Variants in ALPL observed in about 807,000 individuals in gnomAD.
The protein encoded by ALPL is alkaline phosphatase, biomineralization associated.
ALPL carries 42 observed loss-of-function variants against 51.3 expected under a neutral mutation model. The observed-to-expected ratio is 0.82, with a 90% CI of 0.64 to 1.06. The LOEUF (loss-of-function observed/expected upper bound fraction) is 1.06, where lower values mean the gene tolerates loss of function less well. Ranked by LOEUF, ALPL falls within the 50% of genes least tolerant of loss-of-function variation. The pLI is 0.00. For synonymous variants in ALPL, 279 were observed against 296.4 expected (o/e 0.94, Z 0.60); for missense variants, 589 against 709.4 (o/e 0.83, Z 1.93).
intron 1 of ALPL, among the ~76,000 whole-genome samples, chr1:21,551,718 G>GTTT (rs1558541700): frequency 3.3e-5 from 3 of 92,216 alleles, no homozygotes; most frequent in African/African-American, 1.2e-4. Context: ...CAGCTTGCGT[G>GTTT]GTTTTTTTTT....
intron 2 of ALPL, among the ~76,000 whole-genome samples, chr1:21,556,996 G>A (rs1011940700): frequency 3.3e-5 from 5 of 152,150 alleles, no homozygotes; most frequent in Non-Finnish European, 7.4e-5. Context: ...CGTCGCAGGC[G>A]TTCCTCTCTG....
At chr1:21,516,376 C>T (rs984593401) in intron 1 of ALPL, among the ~76,000 whole-genome samples, 8 of 152,152 alleles carry the variant, frequency 5.3e-5, no homozygotes, top group African/African-American at 1.9e-4. Flanking sequence ...TCTTTCTCTG[C>T]CTCATTCCGC....
intron 1 of ALPL, among the ~76,000 whole-genome samples, chr1:21,529,311 A>G (rs1017882810): frequency 6.6e-6 from 1 of 151,512 alleles, no homozygotes; most frequent in South Asian, 2.1e-4. Flanking sequence ...GCTGGAGTGC[A>G]GTGGCATGAA....
At position 21,564,188 on chromosome 1, in the gene ALPL, A is replaced by C. The variant is rs121918004; in HGVS notation, c.620A>C (p.Gln207Pro). ...CAGGGCTGTAAGGACATCGCCTACC[A>C]GCTCATGCATAACATCAGGGACATT... is the stretch of plus-strand genomic sequence containing the variant. ...LSQGCKDIAY[Q>P]LMHNIRDIDV... Residue 207 changes from glutamine to proline, a missense_variant, in exon 6 of 12, where the codon CAG (glutamine) becomes CCG (proline). Transcript: ENST00000374840. The surrounding 1 kb of genome is among the most constrained non-coding windows in gnomAD (Gnocchi z 5.8). 3.7e-6 allele frequency: 6 copies of C among 1,613,976 alleles called. No individual in the cohort carries two copies. The highest frequency in any genetic ancestry group is 5.1e-6 in the Non-Finnish European group (6 of 1,179,974).
intron 1 of ALPL, among the ~76,000 whole-genome samples, chr1:21,531,810 G>A (rs1303812386): frequency 2.6e-5 from 4 of 152,128 alleles, no homozygotes; most frequent in African/African-American, 7.2e-5. Context: ...GGCAAGAGGA[G>A]AACTCAAACC....
chr1:21,523,775 G>T (rs1284269644), intron 1 of ALPL, among the ~76,000 whole-genome samples: 1 of 152,188 alleles, frequency 6.6e-6, no homozygotes, highest in Admixed American at 6.5e-5. Context: ...GCTCAGGGAG[G>T]TAGCAACTTA....
chr1:21,575,356 C>A (rs1182136600), intron 9 of ALPL, among the ~76,000 whole-genome samples: 1 of 152,196 alleles, frequency 6.6e-6, no homozygotes, highest in Admixed American at 6.5e-5. Flanking sequence ...TCGTGCCTGG[C>A]ACATTGTAGG....
chr1:21,522,141 G>A (rs577102154), intron 1 of ALPL, among the ~76,000 whole-genome samples: 8 of 149,492 alleles, frequency 5.4e-5, no homozygotes, highest in Admixed American at 6.8e-5. Context: ...GCGCAATCTC[G>A]GCTCACTACA....
At chr1:21,535,129 G>A (rs1324094253) in intron 1 of ALPL, among the ~76,000 whole-genome samples, 1 of 152,230 alleles carries the variant, frequency 6.6e-6, no homozygotes, top group Non-Finnish European at 1.5e-5. Context: ...ATAACATATA[G>A]GGAAAGCCCT....
At position 21,559,634 on chromosome 1, in the gene ALPL, C is replaced by T. The variant is rs1697418; in HGVS notation, c.62-992C>T. On this transcript the variant is annotated intron_variant, in intron 2 of 11. Transcript: ENST00000374840. Reference sequence around the variant, plus strand: ...TCCCGGGTTCAAGCAGTTCTCCTGCCTCAGCCTCCTGAGTAGCTGGGACTA... The same window carrying T: ...TCCCGGGTTCAAGCAGTTCTCCTGCTTCAGCCTCCTGAGTAGCTGGGACTA... Among the ~76,000 whole-genome samples, 436 of 152,312 alleles carry T rather than the reference C, an allele frequency of 2.9e-3. 2 individuals carry two copies. The highest frequency in any genetic ancestry group is 9.6e-3 in the African/African-American group (398 of 41,570).
intron 1 of ALPL, among the ~76,000 whole-genome samples, chr1:21,540,920 G>C (rs1232413200): frequency 6.6e-6 from 1 of 152,236 alleles, no homozygotes; most frequent in Non-Finnish European, 1.5e-5. Context: ...GTGAGGGAGA[G>C]AGAGATCTGG....
chr1:21,564,173 A>G lies in ALPL; in HGVS notation c.605A>G (p.Lys202Arg). 6.2e-7 allele frequency: 1 copy of G among 1,614,034 alleles called. No homozygotes were observed. Among genetic ancestry groups the G allele is most frequent in the Non-Finnish European group, 8.5e-7 (1 of 1,179,998 alleles). Residue 202 changes from lysine to arginine, a missense_variant, in exon 6 of 12, where the codon AAG becomes AGG. Coordinates refer to ENST00000374840, the MANE Select transcript of ALPL (RefSeq NM_000478.6). This position sits in a 1 kb window ranked among gnomAD's most constrained non-coding sequence, Gnocchi z 5.8. ...MPPEALSQGC[K>R]DIAYQLMHNI... is the part of the protein sequence containing the mutation. ...CCTGAGGCCTTGAGCCAGGGCTGTAAGGACATCGCCTACCAGCTCATGCAT... is the reference window on the plus strand; with the variant it reads ...CCTGAGGCCTTGAGCCAGGGCTGTAGGGACATCGCCTACCAGCTCATGCAT...
At chr1:21,575,564 A>G (rs1157508599) in intron 9 of ALPL, among the ~76,000 whole-genome samples, 169 bp from the exon 10 acceptor site, 1 of 152,172 alleles carries the variant, frequency 6.6e-6, no homozygotes, top group African/African-American at 2.4e-5. Flanking sequence ...GTCAGGTTGA[A>G]TGGCTGCGTA....
chr1:21,516,874 T>G lies in ALPL; in HGVS notation c.-105+7357T>G, dbSNP rs1643810921. Reference sequence around the variant, plus strand: ...ACCTAATCCTTATACAGATGCTCCTTGATTTACCAAAGGTTTTTGTCCTGG... The same window carrying G: ...ACCTAATCCTTATACAGATGCTCCTGGATTTACCAAAGGTTTTTGTCCTGG... On this transcript the variant is annotated intron_variant, in intron 1 of 11. Coordinates refer to ENST00000374840, the MANE Select transcript of ALPL (RefSeq NM_000478.6). 2.0e-5 allele frequency among the ~76,000 whole-genome samples: 3 copies of G among 152,208 alleles called. No individual in the cohort carries two copies. In the South Asian group the frequency reaches 6.2e-4, roughly 32 times the overall value.
intron 5 of ALPL, 69 bp downstream of exon 5, chr1:21,563,353 G>A (rs1463874243): frequency 6.5e-7 from 1 of 1,526,784 alleles, no homozygotes. Flanking sequence ...CTTTCTGACT[G>A]TGTCATGGGA....
intron 3 of ALPL, 112 bp from the exon 4 acceptor site, chr1:21,560,985 G>A: frequency 9.2e-7 from 1 of 1,092,682 alleles, no homozygotes; most frequent in Non-Finnish European, 1.4e-6. Flanking sequence ...CATGCCCAGT[G>A]CCAACTGCCC....
intron 9 of ALPL, among the ~76,000 whole-genome samples, chr1:21,575,077 G>C (rs903879783): frequency 1.3e-5 from 2 of 152,212 alleles, no homozygotes; most frequent in Non-Finnish European, 2.9e-5. Context: ...TTCAGGCTTC[G>C]GCAGGGCTTT....
At chr1:21,515,392 C>G (rs1643774988) in intron 1 of ALPL, among the ~76,000 whole-genome samples, 1 of 152,100 alleles carries the variant, frequency 6.6e-6, no homozygotes. Context: ...AAAGATCTAC[C>G]AGGTGACCCT....
At chr1:21,553,881 A>G in intron 1 of ALPL, 97 bp from the exon 2 acceptor site, 3 of 622,394 alleles carry the variant, frequency 4.8e-6, no homozygotes, top group Non-Finnish European at 5.9e-6. Flanking sequence ...TGCTCACCGA[A>G]TACTTGTTGA....
Sources: gnomAD v4.1 joint callset for allele counts (sites outside exome capture counted in the v4.1 genomes callset) on GRCh38, gnomAD v4.1.1 for gene constraint, Gnocchi (gnomAD v3.1) non-coding constraint, MANE v1.5 for transcripts, NCBI Gene and HGNC (gene_info 2026-07-23, HGNC 2026-07-21) for gene names.